Variants in C5orf34 observed in about 807,000 individuals in gnomAD.
C5orf34 encodes the protein chromosome 5 open reading frame 34.
Under a neutral mutation model 78.4 loss-of-function variants are expected in C5orf34, and 73 were observed. The ratio of observed to expected loss-of-function variants is 0.93; its 90% CI spans 0.77 to 1.13. The LOEUF (loss-of-function observed/expected upper bound fraction) is 1.13, where lower values mean the gene tolerates loss of function less well. Among genes scored for constraint, C5orf34 ranks in the 50% most tolerant of loss-of-function variants. The pLI is 0.00. For missense variants in C5orf34, 730 were observed against 732.7 expected (o/e 1.00, Z 0.04); for synonymous variants, 251 against 246.6 (o/e 1.02, Z -0.17).
intron 11 of C5orf34, chr5:43,488,330 T>A (rs1745142505): frequency 5.4e-6 from 1 of 183,814 alleles, no homozygotes; most frequent in Admixed American, 6.0e-5. Flanking sequence ...GTGAAAGAAC[T>A]GCTCTCTCCT....
Position 43,508,568 on chromosome 5 carries a change from A to G in C5orf34, c.285+9T>C, listed in dbSNP as rs1746090387. ...ATAATACTAACAAAAATGAAGTTAA[A>G]AAAATCACCTTTTTTCTTTCAGAAG... On this transcript the variant is annotated intron_variant, in intron 3 of 12. Coordinates refer to ENST00000306862, the MANE Select transcript of C5orf34 (RefSeq NM_198566.4). 6.5e-7 allele frequency: 1 copy of G among 1,528,156 alleles called. No individual in the cohort carries two copies. The highest frequency in any genetic ancestry group is 9.0e-7 in the Non-Finnish European group (1 of 1,111,940). 94.7% of individuals were successfully genotyped at this position (1,528,156 alleles called of 1,614,324 possible).
At position 43,509,154 on chromosome 5, in the gene C5orf34, G is replaced by A. The variant is rs772598255; in HGVS notation, c.186C>T (p.Ser62=). 1 of 1,612,572 alleles carries A rather than the reference G, an allele frequency of 6.2e-7. No homozygotes were observed. The highest frequency in any genetic ancestry group is 8.5e-7 in the Non-Finnish European group (1 of 1,179,458). The change falls in exon 2 of 13, where the codon AGC becomes AGT. Residue 62 remains serine, a synonymous_variant. Coordinates refer to ENST00000306862, the MANE Select transcript of C5orf34 (RefSeq NM_198566.4). ...RIRQRTHFVI[S]TYREQLQRAL... is the part of the protein sequence containing the mutation. ...TGATATCTTTACTTACTCTGTAAGT[G>A]CTAATGACAAAATGTGTCCTTTGAC...
intron 1 of C5orf34, chr5:43,510,974 G>A (rs1294179644): frequency 3.8e-5 from 8 of 208,434 alleles, no homozygotes; most frequent in South Asian, 2.0e-4. Context: ...CTTCCCGGCC[G>A]CCATCCCATC....
chr5:43,502,657 C>T (rs757095819), intron 5 of C5orf34, among the ~76,000 whole-genome samples, 162 bp from the exon 6 acceptor site: 3 of 152,178 alleles, frequency 2.0e-5, no homozygotes, highest in South Asian at 2.1e-4. Flanking sequence ...ACCCAACCAG[C>T]TAAATTAACT....
chr5:43,489,995 C>A (rs1263837642), intron 11 of C5orf34, among the ~76,000 whole-genome samples: 1 of 152,116 alleles, frequency 6.6e-6, no homozygotes, highest in Non-Finnish European at 1.5e-5. Context: ...GCCCTCAAAA[C>A]TCATACTATA....
At chr5:43,504,280 G>A (rs1264563757) in intron 4 of C5orf34, among the ~76,000 whole-genome samples, 1 of 148,920 alleles carries the variant, frequency 6.7e-6, no homozygotes, top group African/African-American at 2.5e-5. Context: ...CTGGGTGACA[G>A]AGCGAGAATC....
chr5:43,507,388 A>G (rs1205065313), intron 3 of C5orf34, among the ~76,000 whole-genome samples: 1 of 152,248 alleles, frequency 6.6e-6, no homozygotes, highest in Non-Finnish European at 1.5e-5. Flanking sequence ...TTAGGACACT[A>G]AAATTGAGGG....
At chr5:43,511,513 ACCCCGTCTGG>A (rs1352501956) in intron 1 of C5orf34, among the ~76,000 whole-genome samples, 1 of 151,812 alleles carries the variant, frequency 6.6e-6, no homozygotes, top group Non-Finnish European at 1.5e-5. Context: ...CCCGGCCGCC[ACCCCGTCTGG>A]GAGGTGTACC....
At chr5:43,489,202 T>C (rs1310847364) in intron 11 of C5orf34, among the ~76,000 whole-genome samples, 2 of 152,038 alleles carry the variant, frequency 1.3e-5, no homozygotes. Context: ...AAACGTACTA[T>C]TTGTTGACTA....
chr5:43,493,809 A>G (rs1745386167), intron 7 of C5orf34, among the ~76,000 whole-genome samples, 197 bp from the exon 8 acceptor site: 1 of 152,092 alleles, frequency 6.6e-6, no homozygotes, highest in Non-Finnish European at 1.5e-5. Context: ...TGCTAATCTT[A>G]CCTACTTAAG....
Position 43,502,364 on chromosome 5 carries a change from T to G in C5orf34, c.1152+8A>C, listed in dbSNP as rs774557143. 1 of 1,611,212 alleles carries G rather than the reference T, an allele frequency of 6.2e-7. No individual in the cohort carries two copies. The highest frequency in any genetic ancestry group is 8.5e-7 in the Non-Finnish European group (1 of 1,178,976). On this transcript the variant is annotated splice_region_variant and intron_variant, in intron 6 of 12. Coordinates refer to ENST00000306862, the MANE Select transcript of C5orf34 (RefSeq NM_198566.4). ...ACTCTTCTTGAGTTGAGTTCATTGT[T>G]GGCTTACCTTTCCTGATCCTTCTTG...
rs115334692 is a variant in C5orf34 at position 43,501,906 on chromosome 5, A to T, written c.1152+466T>A. Among the ~76,000 whole-genome samples the T allele has an allele frequency of 9.6e-3, 1,464 of 152,346 alleles. 25 individuals are homozygous for T. Among genetic ancestry groups the T allele is most frequent in the African/African-American group, 0.034 (1,421 of 41,582 alleles). ...TTATTAAGACTATGGGCTGGTAATT[A>T]TACCATGTTATGTTTCACTGTTTTC... is the stretch of plus-strand genomic sequence containing the variant. On this transcript the variant is annotated intron_variant, in intron 6 of 12. Coordinates refer to ENST00000306862, the MANE Select transcript of C5orf34 (RefSeq NM_198566.4).
At position 43,496,206 on chromosome 5, in the gene C5orf34, G is replaced by A. The variant is rs1745511041; in HGVS notation, c.1153-1605C>T. The A allele has an allele frequency of 1.2e-5, 18 of 1,559,916 alleles. No individual in the cohort carries two copies. The South Asian group carries it at 1.9e-4, about 16-fold the overall frequency. On this transcript the variant is annotated intron_variant, in intron 6 of 12. Coordinates refer to ENST00000306862, the MANE Select transcript of C5orf34 (RefSeq NM_198566.4). ...CATCAATGATAGTCACATAGTACTTGCTGGTCTCAAATTTCCACAAGGAGA... is the reference window on the plus strand; with the variant it reads ...CATCAATGATAGTCACATAGTACTTACTGGTCTCAAATTTCCACAAGGAGA...
intron 7 of C5orf34, among the ~76,000 whole-genome samples, chr5:43,494,150 C>G (rs929355877): frequency 6.6e-6 from 1 of 152,052 alleles, no homozygotes; most frequent in African/African-American, 2.4e-5. Context: ...ATCTATTACT[C>G]TGAAGATAAT....
chr5:43,504,108 T>C (rs6451708), intron 4 of C5orf34, among the ~76,000 whole-genome samples: 151,399 of 152,166 alleles, frequency 0.99, 75,326 homozygotes, highest in Middle Eastern at 1. Flanking sequence ...GTCAGGAGTT[T>C]GAGATCAGCC....
At chr5:43,499,842 A>G (rs2112299827) in intron 6 of C5orf34, among the ~76,000 whole-genome samples, 1 of 152,298 alleles carries the variant, frequency 6.6e-6, no homozygotes, top group South Asian at 2.1e-4. Flanking sequence ...CCATAATTTG[A>G]TAATTACAAC....
At chr5:43,487,972 T>A (rs772742223) in intron 11 of C5orf34, 23 bp from the exon 12 acceptor site, 260 of 1,585,854 alleles carry the variant, frequency 1.6e-4, no homozygotes, top group Non-Finnish European at 2.1e-4. Context: ...AAAGAAAAAA[T>A]TCATTCAGTT....
chr5:43,496,210 G>T, intron 6 of C5orf34: 1 of 1,563,282 alleles, frequency 6.4e-7, no homozygotes, highest in East Asian at 2.2e-5. Context: ...GTACTTGCTG[G>T]TCTCAAATTT....
Position 43,505,980 on chromosome 5 carries a change from C to T in C5orf34, c.700G>A (p.Val234Ile). Residue 234 changes from valine to isoleucine, a missense_variant, in exon 4 of 13, where the codon GTA (valine) becomes ATA (isoleucine). Physicochemically the swap from Val to Ile is conservative, Grantham distance 29 (BLOSUM62 3). Transcript: ENST00000306862. ...CAGCACTGCTTGACCCATGTGTATA[C>T]ACATGTGTGCTTTGTACCAGGCGAA... The part of the protein sequence containing the change: ...LPSPGTKHTC[V>I]YTWVKQCWSV... The T allele has an allele frequency of 6.2e-7, 1 of 1,614,198 alleles. No homozygotes were observed. Among genetic ancestry groups the T allele is most frequent in the Non-Finnish European group, 8.5e-7 (1 of 1,180,038 alleles).
Sources: allele counts gnomAD v4.1 joint callset (sites outside exome capture counted in the v4.1 genomes callset), GRCh38; gene constraint gnomAD v4.1.1; transcripts MANE v1.5; gene names NCBI Gene and HGNC (gene_info 2026-07-23, HGNC 2026-07-21).